The following SND1 variants were observed in gnomAD, a reference collection of about 807,000 sequenced individuals.
SND1 encodes the protein staphylococcal nuclease and tudor domain containing 1, also known as staphylococcal nuclease domain-containing protein 1.
Under a neutral mutation model 121.7 loss-of-function variants are expected in SND1, and 38 were observed. The observed-to-expected ratio is 0.31, with a 90% CI of 0.24 to 0.41. The LOEUF (loss-of-function observed/expected upper bound fraction) is 0.41, where lower values mean the gene tolerates loss of function less well. Ranked by LOEUF, SND1 falls within the 10% of genes least tolerant of loss-of-function variation. SND1 has a pLI of 1.00. For synonymous variants in SND1, 401 were observed against 447.4 expected, an observed-to-expected ratio of 0.90 and a Z score of 1.31; for missense variants, 868 against 1,184.6, an observed-to-expected ratio of 0.73 and a Z score of 3.92.
At chr7:127,866,810 A>G (rs984930903) in intron 12 of SND1, among the ~76,000 whole-genome samples, 2 of 152,148 alleles carry the variant, frequency 1.3e-5, no homozygotes, top group Admixed American at 6.5e-5. Flanking sequence ...TGGAGTAAAT[A>G]TAGGGTTATC....
chr7:127,816,660 C>CT (rs1219401915), intron 11 of SND1, among the ~76,000 whole-genome samples: 2 of 148,306 alleles, frequency 1.3e-5, no homozygotes, highest in African/African-American at 5.1e-5. Flanking sequence ...ATTTCTCAAA[C>CT]TCTTTTTTTT....
rs145331938 is a variant in SND1 at position 127,686,734 on chromosome 7, A to T, written c.200A>T (p.Gln67Leu). The T allele has an allele frequency of 1.2e-6, 2 of 1,614,064 alleles. No homozygotes were observed. The highest frequency in any genetic ancestry group is 1.7e-5 in the Admixed American group (1 of 59,994). The part of the protein sequence containing the change: ...GNLARRAAAT[Q>L]PDAKDTPDEP... ...CTTGCTCGCCGGGCAGCCGCCACACAACCTGATGCAAAGGATACCCCTGAT... is the reference window on the plus strand; with the variant it reads ...CTTGCTCGCCGGGCAGCCGCCACACTACCTGATGCAAAGGATACCCCTGAT... Residue 67 changes from glutamine (Q) to leucine (L), a missense_variant, in exon 2 of 24, where the codon CAA (glutamine) becomes CTA (leucine). Physicochemically the swap from Gln to Leu is moderately radical, Grantham distance 113. Transcript: ENST00000354725.
intron 15 of SND1, among the ~76,000 whole-genome samples, chr7:127,952,717 T>C (rs1002944960): frequency 2.0e-5 from 3 of 152,226 alleles, no homozygotes; most frequent in Non-Finnish European, 4.4e-5. Flanking sequence ...TTATCAAAAT[T>C]GAAAGTGTCA....
rs1386950010 is a variant in SND1 at position 127,814,621 on chromosome 7, A to T, written c.1242+7048A>T. 2.6e-5 allele frequency among the ~76,000 whole-genome samples: 4 copies of T among 151,986 alleles called. 1 individual carries two copies. The highest frequency in any genetic ancestry group is 2.0e-4 in the Admixed American group (3 of 15,230). ...TAGGGATACTAGATATAAATTTTCT[A>T]ATGAGAAAAACGTTTTCTTGTGTAT... On this transcript the variant is annotated intron_variant, in intron 11 of 23. Coordinates refer to ENST00000354725, the MANE Select transcript of SND1 (RefSeq NM_014390.4).
In SND1 at chr7:127,732,636, T is replaced by G. The variant is rs1448900303; in HGVS notation, c.1152+11236T>G. ...TAAAACATGGACAACAACGAAACTG[T>G]ATTCTAGTTTTCTTGAGCAACCACA... On this transcript the variant is annotated intron_variant, in intron 10 of 23. Coordinates refer to ENST00000354725, the MANE Select transcript of SND1 (RefSeq NM_014390.4). 5.9e-5 allele frequency among the ~76,000 whole-genome samples: 9 copies of G among 152,384 alleles called. No individual in the cohort carries two copies. In the East Asian group the frequency reaches 1.7e-3, roughly 29 times the overall value.
intron 16 of SND1, among the ~76,000 whole-genome samples, chr7:128,042,135 C>T (rs1450132236): frequency 2.6e-5 from 4 of 152,022 alleles, no homozygotes; most frequent in Admixed American, 2.0e-4. Context: ...TGAGGCTACT[C>T]GATTTGTATT....
At chr7:127,813,682 C>T (rs898831127) in intron 11 of SND1, among the ~76,000 whole-genome samples, 15 of 152,198 alleles carry the variant, frequency 9.9e-5, no homozygotes, top group Non-Finnish European at 7.4e-5. Context: ...CTGCCTTAGC[C>T]GCCCAAGTAG....
At chr7:127,657,644 T>C (rs1052722071) in intron 1 of SND1, among the ~76,000 whole-genome samples, 2 of 151,570 alleles carry the variant, frequency 1.3e-5, no homozygotes, top group Admixed American at 6.6e-5. Flanking sequence ...TACAGGTGCG[T>C]GCTACCACAC....
intron 13 of SND1, among the ~76,000 whole-genome samples, chr7:127,896,785 C>G (rs1800128363): frequency 6.6e-6 from 1 of 152,032 alleles, no homozygotes; most frequent in Non-Finnish European, 1.5e-5. Context: ...CTCCTTAATT[C>G]GATTCCTTCT....
chr7:127,901,746 C>T (rs1335402586), intron 13 of SND1, among the ~76,000 whole-genome samples: 2 of 152,178 alleles, frequency 1.3e-5, no homozygotes, highest in Admixed American at 1.3e-4. Context: ...TACAGTGCTA[C>T]TTTCTTGCTT....
intron 1 of SND1, 116 bp from the exon 2 acceptor site, chr7:127,686,497 G>T: frequency 1.9e-6 from 2 of 1,074,976 alleles, no homozygotes; most frequent in Non-Finnish European, 2.6e-6. Context: ...AGATGACTTT[G>T]CATGCCTTTG....
At chr7:127,900,890 C>T (rs1800217772) in intron 13 of SND1, among the ~76,000 whole-genome samples, 2 of 152,184 alleles carry the variant, frequency 1.3e-5, no homozygotes, top group African/African-American at 4.8e-5. Context: ...TGTTCTGCCC[C>T]ACTGTTTCCT....
intron 10 of SND1, among the ~76,000 whole-genome samples, chr7:127,734,422 A>G: frequency 6.6e-6 from 1 of 152,132 alleles, no homozygotes; most frequent in East Asian, 1.9e-4. Context: ...ATAAAAAGAG[A>G]AAAGGTTTAT....
At chr7:127,950,741 T>C (rs1801442758) in intron 15 of SND1, among the ~76,000 whole-genome samples, 1 of 152,164 alleles carries the variant, frequency 6.6e-6, no homozygotes, top group Admixed American at 6.5e-5. Context: ...CTTACAGAGA[T>C]GTAATGGTGG....
In SND1 at chr7:128,029,610, T is replaced by A; in HGVS notation, c.1779+38554T>A. The A allele has an allele frequency of 1.9e-6, 3 of 1,614,004 alleles. No homozygotes were observed. The highest frequency in any genetic ancestry group is 2.2e-5 in the East Asian group (1 of 44,872). ...GGCAGAGCACTGGAAGGAGGCCTGG[T>A]CCACCTCCACGAGGTAGCGGCCTCG... On this transcript the variant is annotated intron_variant, in intron 16 of 23. Coordinates refer to ENST00000354725, the MANE Select transcript of SND1 (RefSeq NM_014390.4). The surrounding 1 kb of genome is among the most constrained non-coding windows in gnomAD (Gnocchi z 4.2).
chr7:127,899,680 C>T (rs1356146188), intron 13 of SND1, among the ~76,000 whole-genome samples: 1 of 151,976 alleles, frequency 6.6e-6, no homozygotes, highest in Non-Finnish European at 1.5e-5. Flanking sequence ...ATGATGATGT[C>T]GATTTTTATT....
intron 12 of SND1, among the ~76,000 whole-genome samples, chr7:127,857,665 C>G (rs1799305739): frequency 2.0e-5 from 3 of 151,998 alleles, no homozygotes; most frequent in Non-Finnish European, 4.4e-5. Context: ...TCCAAAGGGG[C>G]TGTGGAGAGG....
At chr7:127,835,769 A>G (rs1295515740) in intron 11 of SND1, among the ~76,000 whole-genome samples, 1 of 152,164 alleles carries the variant, frequency 6.6e-6, no homozygotes, top group Non-Finnish European at 1.5e-5. Context: ...CTATTTTCAA[A>G]TAGTGATCTC....
At chr7:127,780,395 A>C (rs1797697893) in intron 10 of SND1, among the ~76,000 whole-genome samples, 1 of 152,172 alleles carries the variant, frequency 6.6e-6, no homozygotes, top group African/African-American at 2.4e-5. Context: ...TCCTTTCTTC[A>C]GTTAGAATAA....
Sources: allele counts gnomAD v4.1 joint callset (sites outside exome capture counted in the v4.1 genomes callset), GRCh38; gene constraint gnomAD v4.1.1; non-coding constraint Gnocchi (gnomAD v3.1); transcripts MANE v1.5; gene names NCBI Gene and HGNC (gene_info 2026-07-23, HGNC 2026-07-21).